ALKBH5: variants seen among roughly 807,000 people sequenced by gnomAD.
ALKBH5 encodes the protein RNA demethylase ALKBH5.
In ALKBH5, 2 loss-of-function variants were observed where a neutral mutation model predicts 32.1. That is an observed-to-expected ratio of 0.06 (90% CI 0.03 to 0.20). The LOEUF (loss-of-function observed/expected upper bound fraction) is 0.20. Ranked by LOEUF, ALKBH5 falls within the 10% of genes least tolerant of loss-of-function variation. ALKBH5 has a pLI of 1.00. For missense variants in ALKBH5, 352 were observed against 559.5 expected (o/e 0.63, Z 3.74); for synonymous variants, 300 against 231.7 (o/e 1.29, Z -2.68).
intron 2 of ALKBH5, among the ~76,000 whole-genome samples, chr17:18,201,763 A>ATAGG (rs1426452332): frequency 6.7e-4 from 91 of 134,824 alleles, no homozygotes; most frequent in Non-Finnish European, 6.8e-4. Context: ...AGATAGATAG[A>ATAGG]TAGATAGATA....
chr17:18,188,422 G>A (rs951250824), intron 1 of ALKBH5, among the ~76,000 whole-genome samples: 3 of 152,236 alleles, frequency 2.0e-5, no homozygotes, highest in African/African-American at 7.2e-5. Flanking sequence ...TCCAGTTAAC[G>A]GTTGGTATTG....
intron 2 of ALKBH5, among the ~76,000 whole-genome samples, chr17:18,204,246 G>A (rs2047257220): frequency 6.6e-6 from 1 of 152,168 alleles, no homozygotes. Context: ...GAGGTCGGGA[G>A]TTCAAGACCA....
At chr17:18,189,579 A>G (rs2047161446) in intron 1 of ALKBH5, among the ~76,000 whole-genome samples, 1 of 152,154 alleles carries the variant, frequency 6.6e-6, no homozygotes, top group Non-Finnish European at 1.5e-5. Context: ...GGAAACACAG[A>G]TGGGCTTTTC....
At chr17:18,191,817 A>G (rs1247557313) in intron 1 of ALKBH5, among the ~76,000 whole-genome samples, 1 of 151,928 alleles carries the variant, frequency 6.6e-6, no homozygotes, top group Non-Finnish European at 1.5e-5. Context: ...AACATACAAA[A>G]ATTAGCCTGT....
chr17:18,184,630 G>A lies in ALKBH5; in HGVS notation c.387G>A (p.Leu129=), dbSNP rs766667356. Residue 129 remains leucine (L), a synonymous_variant, in exon 1 of 4, where the codon CTG becomes CTA. Transcript: ENST00000399138. Reference sequence around the variant, plus strand: ...AGCACACGGTGGACCGGGCCCCACTGCGCAACAAGTACTTCTTCGGCGAAG... The same window carrying A: ...AGCACACGGTGGACCGGGCCCCACTACGCAACAAGTACTTCTTCGGCGAAG... The part of the protein sequence containing the change: ...YNEHTVDRAP[L]RNKYFFGEGY... 6.2e-7 allele frequency: 1 copy of A among 1,613,218 alleles called. No individual in the cohort carries two copies. The highest frequency in any genetic ancestry group is 8.5e-7 in the Non-Finnish European group (1 of 1,179,982).
intron 1 of ALKBH5, among the ~76,000 whole-genome samples, chr17:18,192,739 TG>T (rs2047183923): frequency 2.0e-5 from 3 of 152,202 alleles, no homozygotes; most frequent in Non-Finnish European, 4.4e-5. Context: ...TCAAAGTCAG[TG>T]GGTTCTTTTG....
At chr17:18,195,156 TGTTAA>T (rs1443092653) in intron 2 of ALKBH5, 121 bp downstream of exon 2, 10 of 713,322 alleles carry the variant, frequency 1.4e-5, no homozygotes, top group Admixed American at 3.0e-5. Flanking sequence ...AGAGCAGAAC[TGTTAA>T]GTTCTCTTTT....
At chr17:18,201,177 TG>T (rs2142484584) in intron 2 of ALKBH5, among the ~76,000 whole-genome samples, 1 of 152,284 alleles carries the variant, frequency 6.6e-6, no homozygotes, top group Admixed American at 6.5e-5. Flanking sequence ...CAGGGCTTGG[TG>T]TTGCTCCTTT....
intron 2 of ALKBH5, 33 bp from the exon 3 acceptor site, chr17:18,206,782 C>T: frequency 6.2e-7 from 1 of 1,608,310 alleles, no homozygotes; most frequent in South Asian, 1.1e-5. Context: ...CACCGGAGGC[C>T]CTTTGGTGAC....
At chr17:18,205,896 C>T (rs998360213) in intron 2 of ALKBH5, among the ~76,000 whole-genome samples, 4 of 152,180 alleles carry the variant, frequency 2.6e-5, no homozygotes, top group African/African-American at 9.7e-5. Context: ...GGAAAAGGTG[C>T]CTTCAGGGTC....
chr17:18,188,167 TTATC>T (rs1417786997), intron 1 of ALKBH5, among the ~76,000 whole-genome samples: 25 of 152,310 alleles, frequency 1.6e-4, no homozygotes, highest in Non-Finnish European at 2.9e-5. Context: ...TCATATCACT[TTATC>T]TGTCATTCAT....
chr17:18,208,110 G>A lies in ALKBH5; in HGVS notation c.1008-109G>A, dbSNP rs371885903. 6.8e-5 allele frequency: 82 copies of A among 1,199,610 alleles called. 1 individual carries two copies. Among genetic ancestry groups the A allele is most frequent in the South Asian group, 5.8e-4 (36 of 62,260 alleles). The allele number at this position is 1,199,610 out of a possible 1,614,324, so 74.3% of individuals were successfully genotyped here. Reference sequence around the variant, plus strand: ...TCTGCCAGGACTACCCTTCGTTGAGGACCACTGAGCTGAAGTGACCCATCC... The same window carrying A: ...TCTGCCAGGACTACCCTTCGTTGAGAACCACTGAGCTGAAGTGACCCATCC... On this transcript the variant is annotated intron_variant, in intron 3 of 3. Transcript: ENST00000399138.
At chr17:18,199,781 G>C (rs1597840296) in intron 2 of ALKBH5, among the ~76,000 whole-genome samples, 1 of 152,116 alleles carries the variant, frequency 6.6e-6, no homozygotes, top group East Asian at 1.9e-4. Context: ...TAAAAGCACA[G>C]GGTATTCTCT....
intron 1 of ALKBH5, among the ~76,000 whole-genome samples, chr17:18,187,049 G>C (rs184498603): frequency 4.0e-4 from 61 of 152,252 alleles, no homozygotes; most frequent in Non-Finnish European, 7.6e-4. Context: ...AGGAACTAGG[G>C]ATTTGGTGGA....
At chr17:18,185,085 C>T in intron 1 of ALKBH5, 72 bp downstream of exon 1, 1 of 1,554,072 alleles carries the variant, frequency 6.4e-7, no homozygotes, top group Non-Finnish European at 8.7e-7. Flanking sequence ...CAGAAAGCAG[C>T]AGCCCGTAGG....
intron 3 of ALKBH5, 48 bp downstream of exon 3, chr17:18,207,018 A>G (rs574412890): frequency 2.1e-5 from 33 of 1,595,178 alleles, no homozygotes; most frequent in South Asian, 1.5e-4. Context: ...GCCTGGCTGC[A>G]GGGTGAGAAG....
rs1269791442 is a variant in ALKBH5 at position 18,209,198 on chromosome 17, C to A, written c.*802C>A. On this transcript the variant is annotated 3_prime_UTR_variant, in exon 4 of 4. Transcript: ENST00000399138. ...AACAGTTAGACTTGCCACGTTGGGT[C>A]AGTTTTAGAAATTGTTTCTAGCTAG... 2 of 152,742 alleles carry A rather than the reference C, an allele frequency of 1.3e-5. No individual in the cohort carries two copies. Among genetic ancestry groups the A allele is most frequent in the African/African-American group, 2.4e-5 (1 of 41,458 alleles). The allele number at this position is 152,742 out of a possible 1,614,324, so 9.5% of individuals were successfully genotyped here. A position where few individuals can be genotyped will look rare whatever the true frequency, so the allele number is the denominator to read the frequency against.
intron 2 of ALKBH5, among the ~76,000 whole-genome samples, chr17:18,204,962 A>G (rs1425085395): frequency 6.6e-6 from 1 of 151,700 alleles, no homozygotes; most frequent in Non-Finnish European, 1.5e-5. Context: ...GGGCAGGAGG[A>G]TCCCTTAAGC....
intron 1 of ALKBH5, among the ~76,000 whole-genome samples, chr17:18,186,994 T>C (rs1410602319): frequency 1.3e-5 from 2 of 152,130 alleles, no homozygotes; most frequent in Admixed American, 6.6e-5. Flanking sequence ...GGGTGCTTGC[T>C]TTCATATACA....
Sources: gnomAD v4.1 joint callset for allele counts (sites outside exome capture counted in the v4.1 genomes callset) on GRCh38, gnomAD v4.1.1 for gene constraint, MANE v1.5 for transcripts, NCBI Gene and HGNC (gene_info 2026-07-23, HGNC 2026-07-21) for gene names.